CDH23: variants seen among roughly 807,000 people sequenced by gnomAD.
The protein encoded by CDH23 is cadherin-23.
CDH23 carries 189 observed loss-of-function variants against 317.1 expected under a neutral mutation model. That is an observed-to-expected ratio of 0.60 (90% CI 0.53 to 0.67). CDH23 has a LOEUF of 0.67. Ranked by LOEUF, CDH23 falls within the 30% of genes least tolerant of loss-of-function variation. The pLI is 0.00. For missense variants in CDH23, 4,401 were observed against 4,592.4 expected, an observed-to-expected ratio of 0.96 and a Z score of 1.20; for synonymous variants, 1,839 against 1,876.8, an observed-to-expected ratio of 0.98 and a Z score of 0.52.
intron 17 of CDH23, 85 bp downstream of exon 17, chr10:71,679,577 C>T (rs1864527038): frequency 9.3e-6 from 10 of 1,074,000 alleles, no homozygotes; most frequent in South Asian, 2.7e-5. Flanking sequence ...GGGGATGAGG[C>T]GGGCACTCCT....
intron 47 of CDH23, among the ~76,000 whole-genome samples, chr10:71,792,841 AAAAAAAAAAAAATAT>A (rs1240460929): frequency 9.3e-4 from 72 of 77,362 alleles, no homozygotes; most frequent in African/African-American, 3.5e-3. Context: ...AAAAAAAAAA[AAAAAAAAAAAAATAT>A]ATATATATAT....
At chr10:71,460,522 A>G (rs140096441) in intron 3 of CDH23, among the ~76,000 whole-genome samples, 32 of 152,306 alleles carry the variant, frequency 2.1e-4, no homozygotes, top group African/African-American at 6.5e-4. Flanking sequence ...GAGATTATTG[A>G]GTGTTGAACC....
chr10:71,506,262 G>T (rs114778288), intron 3 of CDH23, among the ~76,000 whole-genome samples: 2 of 152,150 alleles, frequency 1.3e-5, no homozygotes. Context: ...TGGTTCATGG[G>T]CATGGAGTTT....
intron 6 of CDH23, among the ~76,000 whole-genome samples, chr10:71,526,499 C>A (rs1300234060): frequency 5.3e-5 from 8 of 152,224 alleles, no homozygotes; most frequent in Admixed American, 3.3e-4. Flanking sequence ...GAGGAAGGGG[C>A]AGGGCACAGG....
At chr10:71,583,758 A>G (rs1858825807) in intron 9 of CDH23, among the ~76,000 whole-genome samples, 1 of 152,188 alleles carries the variant, frequency 6.6e-6, no homozygotes, top group African/African-American at 2.4e-5. Flanking sequence ...TGCACCAGGC[A>G]CTGCCTGGAC....
intron 38 of CDH23, chr10:71,761,863 G>C (rs1163330356): frequency 6.2e-6 from 10 of 1,614,126 alleles, no homozygotes; most frequent in Non-Finnish European, 8.5e-6. Context: ...GCTCTGAGCA[G>C]GTCTGCACCT....
At chr10:71,514,719 C>T (rs973231183) in intron 6 of CDH23, among the ~76,000 whole-genome samples, 1 of 152,132 alleles carries the variant, frequency 6.6e-6, no homozygotes, top group East Asian at 1.9e-4. Flanking sequence ...ATTCACTTGT[C>T]GAAGTCCTAA....
intron 9 of CDH23, among the ~76,000 whole-genome samples, chr10:71,607,875 C>G (rs1860624627): frequency 6.6e-6 from 1 of 152,090 alleles, no homozygotes; most frequent in African/African-American, 2.4e-5. Flanking sequence ...CACACTCCAG[C>G]CTGGGTGATA....
intron 3 of CDH23, among the ~76,000 whole-genome samples, chr10:71,471,749 C>A (rs1257870514): frequency 6.6e-6 from 1 of 152,152 alleles, no homozygotes. Context: ...GCCTGGTACA[C>A]CTGCCCTAGG....
chr10:71,561,996 G>A (rs1368970990), intron 6 of CDH23, among the ~76,000 whole-genome samples: 1 of 152,098 alleles, frequency 6.6e-6, no homozygotes, highest in Non-Finnish European at 1.5e-5. Flanking sequence ...TGGACCCAGG[G>A]CGAGTGTCCA....
In CDH23 at chr10:71,752,366, T is replaced by G. The variant is rs150453987; in HGVS notation, c.4845+10445T>G. Among the ~76,000 whole-genome samples, 838 of 152,306 alleles carry G rather than the reference T, an allele frequency of 5.5e-3. 6 individuals carry two copies. The highest frequency in any genetic ancestry group is 0.019 in the African/African-American group (786 of 41,566). Reference sequence around the variant, plus strand: ...AAGCAGGACTTCCTTCAACCTGTCTTGAAGATCATCCCTTTCAAACACCTA... The same window carrying G: ...AAGCAGGACTTCCTTCAACCTGTCTGGAAGATCATCCCTTTCAAACACCTA... On this transcript the variant is annotated intron_variant, in intron 38 of 69. Transcript: ENST00000224721.
chr10:71,654,462 G>A (rs1161593106), intron 14 of CDH23, among the ~76,000 whole-genome samples: 5 of 152,196 alleles, frequency 3.3e-5, no homozygotes, highest in Admixed American at 1.3e-4. Flanking sequence ...TCTTATTGCC[G>A]CATAAGAAAC....
chr10:71,641,141 A>G (rs943116551), intron 11 of CDH23, among the ~76,000 whole-genome samples: 1 of 152,014 alleles, frequency 6.6e-6, no homozygotes, highest in African/African-American at 2.4e-5. Flanking sequence ...CTCGACTCCT[A>G]TAGGTGCCTC....
intron 1 of CDH23, among the ~76,000 whole-genome samples, chr10:71,419,497 C>T (rs1234526184): frequency 1.3e-5 from 2 of 152,168 alleles, no homozygotes; most frequent in Admixed American, 1.3e-4. Context: ...GAGGGACACT[C>T]AGATGTGAAA....
At chr10:71,465,189 G>A (rs143712879) in intron 3 of CDH23, among the ~76,000 whole-genome samples, 148 of 152,360 alleles carry the variant, frequency 9.7e-4, no homozygotes, top group African/African-American at 3.3e-3. Flanking sequence ...TGTGTTGAGT[G>A]GTTACTGTAT....
chr10:71,463,374 C>T (rs1035748063), intron 3 of CDH23, among the ~76,000 whole-genome samples: 11 of 152,184 alleles, frequency 7.2e-5, no homozygotes, highest in Non-Finnish European at 1.2e-4. Flanking sequence ...TGTCCGCACC[C>T]GGCTGCCAAG....
rs1564769293 is a variant in CDH23 at position 71,740,829 on chromosome 10, C to T, written c.4496C>T (p.Ala1499Val). Residue 1499 changes from alanine (A) to valine (V), a missense_variant, in exon 37 of 70, where the codon GCT (alanine) becomes GTT (valine). Physicochemically the swap from Ala to Val is moderately conservative, Grantham distance 64. Coordinates refer to ENST00000224721, the MANE Select transcript of CDH23 (RefSeq NM_022124.6). ...ELDHYILQVV[A>V]SDRGTPPRKK... ...TTGCCCTCCTCCTTGCAGGTTGTGG[C>T]TTCTGACCGAGGCACCCCTCCACGG... The T allele has an allele frequency of 1.2e-6, 2 of 1,613,792 alleles. No homozygotes were observed. Among genetic ancestry groups the T allele is most frequent in the Admixed American group, 3.3e-5 (2 of 60,026 alleles).
chr10:71,750,331 G>A (rs760324945), intron 38 of CDH23: 1 of 152,234 alleles, frequency 6.6e-6, no homozygotes, highest in African/African-American at 2.4e-5. Flanking sequence ...GTTTCCCCAT[G>A]TAGTTTTTAA....
rs541830882 is a variant in CDH23 at position 71,810,094 on chromosome 10, C to T, written c.8979+18C>T. 97 of 1,608,384 alleles carry T rather than the reference C, an allele frequency of 6.0e-5. No individual in the cohort carries two copies. The highest frequency in any genetic ancestry group is 3.7e-4 in the Admixed American group (22 of 59,982). On this transcript the variant is annotated intron_variant, in intron 61 of 69. Transcript: ENST00000224721. ...ATGTGCAGGTGCCTCATGGGCCCAC[C>T]CGGGGCCGGGGCAGTGGAGGGAGAA...
Sources: allele counts gnomAD v4.1 joint callset (sites outside exome capture counted in the v4.1 genomes callset), GRCh38; gene constraint gnomAD v4.1.1; transcripts MANE v1.5; gene names NCBI Gene and HGNC (gene_info 2026-07-23, HGNC 2026-07-21).